The following ELF2 variants were observed in gnomAD, a reference collection of about 807,000 sequenced individuals.
The protein encoded by ELF2 is ETS-related transcription factor Elf-2.
A neutral mutation model predicts 54.8 loss-of-function variants in ELF2; 11 were observed. The observed-to-expected ratio is 0.20, with a 90% CI of 0.13 to 0.33. The LOEUF is 0.33. Among genes scored for constraint, ELF2 ranks in the 10% least tolerant of loss-of-function variants. The pLI, the probability that ELF2 is intolerant of heterozygous loss-of-function variation, is 1.00. For synonymous variants in ELF2, 203 were observed against 245.1 expected, an observed-to-expected ratio of 0.83 and a Z score of 1.61; for missense variants, 513 against 703.0, an observed-to-expected ratio of 0.73 and a Z score of 3.06.
intron 3 of ELF2, among the ~76,000 whole-genome samples, chr4:139,135,268 TGTGTGTGTGTG>T (rs913820169): frequency 6.8e-6 from 1 of 146,344 alleles, no homozygotes; most frequent in African/African-American, 2.6e-5. Flanking sequence ...TGTGTGTGTG[TGTGTGTGTGTG>T]TATATATGAA....
intron 4 of ELF2, among the ~76,000 whole-genome samples, chr4:139,083,461 C>G (rs1383370879): frequency 3.9e-5 from 6 of 152,200 alleles, no homozygotes; most frequent in East Asian, 1.9e-4. Context: ...AACATCATCC[C>G]GGTTACTCAA....
chr4:139,172,373 A>C (rs576230937), intron 1 of ELF2, among the ~76,000 whole-genome samples: 1 of 152,342 alleles, frequency 6.6e-6, no homozygotes, highest in South Asian at 2.1e-4. Context: ...TGCCATTCTG[A>C]GCAGCATGAT....
intron 1 of ELF2, among the ~76,000 whole-genome samples, chr4:139,146,158 A>T (rs973318888): frequency 3.9e-5 from 6 of 152,218 alleles, no homozygotes; most frequent in African/African-American, 1.2e-4. Context: ...ATTAGATTTG[A>T]TAAGTGAATT....
chr4:139,093,314 A>G (rs527691492), intron 4 of ELF2, among the ~76,000 whole-genome samples: 24 of 152,336 alleles, frequency 1.6e-4, no homozygotes, highest in African/African-American at 5.8e-4. Context: ...CCCTCCACAA[A>G]AAACAAACAA....
At chr4:139,062,715 T>C (rs1374036496) in intron 7 of ELF2, among the ~76,000 whole-genome samples, 2 of 152,244 alleles carry the variant, frequency 1.3e-5, no homozygotes, top group Non-Finnish European at 2.9e-5. Flanking sequence ...CTAAATTCCA[T>C]GATCAAAATT....
chr4:139,158,927 G>A (rs1341786249), intron 1 of ELF2, among the ~76,000 whole-genome samples: 2 of 152,092 alleles, frequency 1.3e-5, no homozygotes, highest in Non-Finnish European at 2.9e-5. Flanking sequence ...GAAGATTGAG[G>A]ACCGTAAGAG....
At chr4:139,156,048 A>C (rs1292169758) in intron 1 of ELF2, among the ~76,000 whole-genome samples, 2 of 152,282 alleles carry the variant, frequency 1.3e-5, no homozygotes, top group South Asian at 2.1e-4. Flanking sequence ...AATCATAAAA[A>C]TAACTTTTCA....
At chr4:139,068,833 G>C (rs1477049573) in intron 6 of ELF2, among the ~76,000 whole-genome samples, 1 of 151,974 alleles carries the variant, frequency 6.6e-6, no homozygotes, top group African/African-American at 2.4e-5. Context: ...TAAGTATGTT[G>C]TATTTTAAAA....
At chr4:139,121,125 T>C (rs1736277998) in intron 4 of ELF2, among the ~76,000 whole-genome samples, 1 of 120,710 alleles carries the variant, frequency 8.3e-6, no homozygotes, top group Non-Finnish European at 1.8e-5. Flanking sequence ...TTTTTTTTTT[T>C]TGAGACGGAG....
At chr4:139,165,978 T>C (rs964380747) in intron 1 of ELF2, among the ~76,000 whole-genome samples, 5 of 152,250 alleles carry the variant, frequency 3.3e-5, no homozygotes, top group African/African-American at 9.6e-5. Context: ...TTGCTGATTA[T>C]AATAAACTTC....
chr4:139,073,340 A>G (rs1442419265), intron 5 of ELF2, 114 bp downstream of exon 5: 1 of 562,950 alleles, frequency 1.8e-6, no homozygotes, highest in Non-Finnish European at 3.0e-6. Flanking sequence ...ATTCATGTGT[A>G]ATGTACCTTT....
chr4:139,153,654 C>T (rs1114149), intron 1 of ELF2, among the ~76,000 whole-genome samples: 3,649 of 152,150 alleles, frequency 0.024, 148 homozygotes, highest in African/African-American at 0.083. Flanking sequence ...CTTCTGGGCC[C>T]AAGATCTTTA....
In ELF2 at chr4:139,057,422, A is replaced by G. The variant is rs1727206359; in HGVS notation, c.*1561T>C. The G allele has an allele frequency of 6.6e-6, 1 of 152,238 alleles. No homozygotes were observed. The allele number at this position is 152,238 out of a possible 1,614,324, so 9.4% of individuals were successfully genotyped here. A position where few individuals can be genotyped will look rare whatever the true frequency, so the allele number is the denominator to read the frequency against. ...CTACATTTCTAAAACATGTAAAAAT[A>G]GATAACTTTTCTTTGTAGTAGAAAG... On this transcript the variant is annotated 3_prime_UTR_variant, in exon 10 of 10. Transcript: ENST00000686138.
intron 4 of ELF2, among the ~76,000 whole-genome samples, chr4:139,115,532 C>A (rs1219428196): frequency 6.6e-6 from 1 of 151,410 alleles, no homozygotes; most frequent in East Asian, 1.9e-4. Context: ...CTGGCCTGGC[C>A]GCGCCCCCTG....
At chr4:139,160,278 C>A (rs925759053) in intron 1 of ELF2, among the ~76,000 whole-genome samples, 3 of 152,188 alleles carry the variant, frequency 2.0e-5, no homozygotes, top group Non-Finnish European at 4.4e-5. Context: ...GCCAATCTTG[C>A]AAGCAGACCT....
intron 1 of ELF2, among the ~76,000 whole-genome samples, chr4:139,153,197 G>A (rs1560874085): frequency 6.6e-6 from 1 of 152,046 alleles, no homozygotes; most frequent in Non-Finnish European, 1.5e-5. Context: ...CACTTTAGGA[G>A]GTCAAGGAAG....
chr4:139,075,304 A>C (rs906997188), intron 4 of ELF2, among the ~76,000 whole-genome samples: 1 of 152,232 alleles, frequency 6.6e-6, no homozygotes, highest in African/African-American at 2.4e-5. Flanking sequence ...ATAGAGCAAG[A>C]ATATGATAAT....
chr4:139,174,287 T>C (rs61662677), intron 1 of ELF2, among the ~76,000 whole-genome samples: 45,609 of 148,606 alleles, frequency 0.31, 7,131 homozygotes, highest in African/African-American at 0.38. Context: ...ACAACATGGA[T>C]ATACTTTGAA....
At chr4:139,162,110 G>A (rs568591867) in intron 1 of ELF2, among the ~76,000 whole-genome samples, 28 of 152,198 alleles carry the variant, frequency 1.8e-4, no homozygotes, top group African/African-American at 6.5e-4. Context: ...AAAATTAGCT[G>A]GGCATGGTGG....
Sources: gnomAD v4.1 joint callset for allele counts (sites outside exome capture counted in the v4.1 genomes callset) on GRCh38, gnomAD v4.1.1 for gene constraint, MANE v1.5 for transcripts, NCBI Gene and HGNC (gene_info 2026-07-23, HGNC 2026-07-21) for gene names.